The following FAM13A variants were observed in gnomAD, a reference collection of about 807,000 sequenced individuals.
The protein encoded by FAM13A is protein FAM13A.
In FAM13A, 76 loss-of-function variants were observed where a neutral mutation model predicts 129.6. The observed-to-expected ratio is 0.59, with a 90% CI of 0.49 to 0.71. The LOEUF (loss-of-function observed/expected upper bound fraction) is 0.71. Ranked by LOEUF, FAM13A falls within the 30% of genes least tolerant of loss-of-function variation. FAM13A has a pLI of 0.00. For synonymous variants in FAM13A, 443 were observed against 449.9 expected (o/e 0.98, Z 0.20); for missense variants, 1,108 against 1,249.3 (o/e 0.89, Z 1.70).
intron 19 of FAM13A, 126 bp from the exon 20 acceptor site, chr4:88,739,251 C>A: frequency 1.5e-6 from 1 of 660,384 alleles, no homozygotes; most frequent in Non-Finnish European, 2.7e-6. Context: ...TCTTACTACC[C>A]TCACAGAATT....
At position 88,891,266 on chromosome 4, in the gene FAM13A, A is replaced by AT. The variant is rs111633446; in HGVS notation, c.843+15112_843+15113insA. Among the ~76,000 whole-genome samples the AT allele has an allele frequency of 3.8e-3, 586 of 152,230 alleles. 4 individuals carry two copies. The highest frequency in any genetic ancestry group is 0.014 in the African/African-American group (567 of 41,530). On this transcript the variant is annotated intron_variant, in intron 6 of 23. Transcript: ENST00000264344. ...TGGCAAAACCACGTCTCTACAAAAA[A>AT]AACAAAAATTAACCAGGTGTGGTGG...
At chr4:88,789,862 G>T (rs1356412764) in intron 9 of FAM13A, among the ~76,000 whole-genome samples, 14 of 152,070 alleles carry the variant, frequency 9.2e-5, no homozygotes, top group Non-Finnish European at 5.9e-5. Flanking sequence ...CAATACAAAG[G>T]CTCTGAGGCA....
intron 21 of FAM13A, among the ~76,000 whole-genome samples, chr4:88,736,809 A>G (rs1739072606): frequency 6.6e-6 from 1 of 152,190 alleles, no homozygotes; most frequent in Non-Finnish European, 1.5e-5. Context: ...TACTGGAAAA[A>G]AAATCAGGAC....
intron 6 of FAM13A, among the ~76,000 whole-genome samples, chr4:88,856,545 C>A (rs1457255094): frequency 5.9e-5 from 9 of 152,160 alleles, no homozygotes; most frequent in Admixed American, 6.5e-5. Context: ...AACCAAAAAA[C>A]CCAAACTCTA....
At chr4:88,901,707 C>A (rs1182543555) in intron 6 of FAM13A, among the ~76,000 whole-genome samples, 5 of 151,786 alleles carry the variant, frequency 3.3e-5, no homozygotes, top group Non-Finnish European at 5.9e-5. Flanking sequence ...GAACCAAGAG[C>A]AAACAAACCC....
rs111898317 is a variant in FAM13A at position 88,906,267 on chromosome 4, G to A, written c.843+112C>T. The A allele has an allele frequency of 5.4e-4, 411 of 767,342 alleles. No homozygotes were observed. The African/African-American group carries it at 6.0e-3, about 11-fold the overall frequency. 47.5% of individuals were successfully genotyped at this position (767,342 alleles called of 1,614,324 possible). A position where few individuals can be genotyped will look rare whatever the true frequency, so the allele number is the denominator to read the frequency against. On this transcript the variant is annotated intron_variant, in intron 6 of 23. Transcript: ENST00000264344. ...TGCGCCACTGCACTCCAGCCTGGAC[G>A]ATAAAGCAAGACTCTGTCTCAAAAC...
chr4:88,778,398 A>G (rs908454448), intron 11 of FAM13A, among the ~76,000 whole-genome samples: 2 of 152,220 alleles, frequency 1.3e-5, no homozygotes, highest in African/African-American at 4.8e-5. Flanking sequence ...TGAATCTGTC[A>G]GGTGATTTTG....
intron 3 of FAM13A, among the ~76,000 whole-genome samples, chr4:89,016,756 T>C (rs1342385889): frequency 6.6e-6 from 1 of 152,176 alleles, no homozygotes; most frequent in Non-Finnish European, 1.5e-5. Context: ...CTCCTCAGCC[T>C]CCTGAGTAGC....
chr4:89,029,459 C>A lies in FAM13A; in HGVS notation c.217+1G>T, dbSNP rs931522693. 3 of 1,594,554 alleles carry A rather than the reference C, an allele frequency of 1.9e-6. No homozygotes were observed. The East Asian group carries it at 6.8e-5, about 36-fold the overall frequency. ...ACAGACTAAAGCATGACTTAACTCA[C>A]CATGCTGCGTCAAATATTCCACTAT... is the stretch of plus-strand genomic sequence containing the variant. On this transcript the variant is annotated splice_donor_variant, in intron 2 of 23. Transcript: ENST00000264344. LOFTEE classifies it high-confidence loss of function.
intron 4 of FAM13A, among the ~76,000 whole-genome samples, chr4:88,971,453 A>G (rs6852947): frequency 6.6e-6 from 1 of 152,016 alleles, no homozygotes; most frequent in African/African-American, 2.4e-5. Flanking sequence ...AACTGTTCTG[A>G]AAGACTGGGA....
At chr4:88,864,049 G>T (rs907376303) in intron 6 of FAM13A, among the ~76,000 whole-genome samples, 1 of 152,162 alleles carries the variant, frequency 6.6e-6, no homozygotes, top group African/African-American at 2.4e-5. Context: ...AATAGAATTC[G>T]AGAGAAAGAA....
intron 7 of FAM13A, among the ~76,000 whole-genome samples, chr4:88,834,679 C>T (rs1734509554): frequency 1.3e-5 from 2 of 152,222 alleles, no homozygotes; most frequent in Admixed American, 6.5e-5. Flanking sequence ...AATTTTAAAA[C>T]TTTAAAAACA....
intron 2 of FAM13A, among the ~76,000 whole-genome samples, chr4:89,025,251 T>TTTTTTTTG (rs1767795733): frequency 1.4e-4 from 8 of 58,040 alleles, no homozygotes; most frequent in Non-Finnish European, 2.2e-4. Flanking sequence ...CATTGTTTTT[T>TTTTTTTTG]TTTTTTTTTT....
chr4:88,923,319 C>G (rs957712963), intron 5 of FAM13A, among the ~76,000 whole-genome samples: 4 of 152,186 alleles, frequency 2.6e-5, no homozygotes, highest in African/African-American at 9.7e-5. Flanking sequence ...TACTGGCAAA[C>G]CGAATTCAGC....
In FAM13A at chr4:88,781,154, TA is replaced by T. The variant is rs1190841934; in HGVS notation, c.1458+10del. 2 of 1,550,684 alleles carry T rather than the reference TA, an allele frequency of 1.3e-6. No individual in the cohort carries two copies. ...CCTAACAAGTAAAACTTTATAGACG[TA>T]TTCACTTACCACAAGACCGTCCTGA... On this transcript the variant is annotated intron_variant, in intron 11 of 23. Transcript: ENST00000264344.
At chr4:88,736,905 T>C (rs538287708) in intron 21 of FAM13A, among the ~76,000 whole-genome samples, 1 of 152,296 alleles carries the variant, frequency 6.6e-6, no homozygotes, top group Non-Finnish European at 1.5e-5. Flanking sequence ...GGACTAAATG[T>C]GCTATGAGAA....
chr4:88,978,638 C>T (rs1761231433), intron 4 of FAM13A, among the ~76,000 whole-genome samples: 3 of 152,094 alleles, frequency 2.0e-5, no homozygotes, highest in Non-Finnish European at 4.4e-5. Context: ...ACTAAAAACA[C>T]AAAAAATTAG....
intron 3 of FAM13A, among the ~76,000 whole-genome samples, chr4:89,001,507 C>T (rs952752486): frequency 6.6e-6 from 1 of 152,108 alleles, no homozygotes; most frequent in Non-Finnish European, 1.5e-5. Flanking sequence ...CTGTTTCTCG[C>T]AGAAACAGAT....
intron 5 of FAM13A, chr4:88,937,561 A>G (rs1394901978): frequency 6.5e-6 from 1 of 153,000 alleles, no homozygotes; most frequent in Non-Finnish European, 1.5e-5. Flanking sequence ...AAAGATTTAG[A>G]TAGTATTGTC....
Sources: allele counts gnomAD v4.1 joint callset (sites outside exome capture counted in the v4.1 genomes callset), GRCh38; gene constraint gnomAD v4.1.1; transcripts MANE v1.5; gene names NCBI Gene and HGNC (gene_info 2026-07-23, HGNC 2026-07-21).